The following KIF26B variants were observed in gnomAD, a reference collection of about 807,000 sequenced individuals.
The protein encoded by KIF26B is kinesin-like protein KIF26B.
KIF26B carries 63 observed loss-of-function variants against 151.2 expected under a neutral mutation model. That is an observed-to-expected ratio of 0.42 (90% CI 0.34 to 0.51). The LOEUF (loss-of-function observed/expected upper bound fraction) is 0.51. Ranked by LOEUF, KIF26B falls within the 20% of genes least tolerant of loss-of-function variation. The pLI is 0.07. For missense variants in KIF26B, 2,813 were observed against 2,913.6 expected (o/e 0.97, Z 0.79); for synonymous variants, 1,357 against 1,262.1 (o/e 1.08, Z -1.59).
intron 2 of KIF26B, among the ~76,000 whole-genome samples, chr1:245,309,248 T>G (rs1337205684): frequency 6.6e-6 from 1 of 152,164 alleles, no homozygotes; most frequent in East Asian, 1.9e-4. Context: ...TCAACTTGAC[T>G]GGGCCGCGGG....
At chr1:245,670,028 AC>A (rs1300240624) in intron 10 of KIF26B, among the ~76,000 whole-genome samples, 3 of 152,086 alleles carry the variant, frequency 2.0e-5, no homozygotes, top group Non-Finnish European at 4.4e-5. Context: ...TTTGGGTACA[AC>A]ATATACTACT....
chr1:245,624,058 C>G (rs991982994), intron 9 of KIF26B, among the ~76,000 whole-genome samples: 1 of 151,966 alleles, frequency 6.6e-6, no homozygotes, highest in Admixed American at 6.6e-5. Context: ...GTGTGTGGTA[C>G]TCTCCCCCCT....
chr1:245,671,185 C>G (rs895515402), intron 10 of KIF26B, among the ~76,000 whole-genome samples: 3 of 152,206 alleles, frequency 2.0e-5, no homozygotes, highest in Admixed American at 2.0e-4. Context: ...TCATTCTTTT[C>G]CATGGCTGAA....
intron 2 of KIF26B, among the ~76,000 whole-genome samples, chr1:245,345,870 C>T (rs1021731111): frequency 1.3e-5 from 2 of 151,864 alleles, no homozygotes; most frequent in Non-Finnish European, 2.9e-5. Flanking sequence ...TAGAACCGTG[C>T]GCCAGTGAAA....
chr1:245,400,888 A>G (rs759227487), intron 3 of KIF26B, among the ~76,000 whole-genome samples: 5 of 152,152 alleles, frequency 3.3e-5, no homozygotes, highest in Non-Finnish European at 5.9e-5. Context: ...CTCTAGAAGG[A>G]AAGAAAATAC....
intron 2 of KIF26B, among the ~76,000 whole-genome samples, chr1:245,216,677 T>C (rs532276503): frequency 2.0e-5 from 3 of 152,296 alleles, no homozygotes; most frequent in South Asian, 2.1e-4. Flanking sequence ...AGAGCTCGTT[T>C]AGTCAGATGG....
At chr1:245,518,102 C>G (rs920335620) in intron 4 of KIF26B, among the ~76,000 whole-genome samples, 1 of 152,032 alleles carries the variant, frequency 6.6e-6, no homozygotes, top group Non-Finnish European at 1.5e-5. Flanking sequence ...GAACTCCTGA[C>G]CTTGTGATCC....
chr1:245,342,706 A>G (rs76948394), intron 2 of KIF26B, among the ~76,000 whole-genome samples: 5 of 152,154 alleles, frequency 3.3e-5, no homozygotes, highest in Non-Finnish European at 5.9e-5. Context: ...ATGCAGGTCA[A>G]TGAGGCCTTG....
chr1:245,653,030 G>C (rs965143470), intron 10 of KIF26B, among the ~76,000 whole-genome samples: 4 of 152,184 alleles, frequency 2.6e-5, no homozygotes, highest in African/African-American at 9.7e-5. Flanking sequence ...TGATCAGATA[G>C]ATACAAGAGA....
chr1:245,496,030 T>A (rs1188163208), intron 4 of KIF26B, among the ~76,000 whole-genome samples: 1 of 152,014 alleles, frequency 6.6e-6, no homozygotes, highest in African/African-American at 2.4e-5. Flanking sequence ...ATTGAAAGAA[T>A]CCATCATCAG....
At chr1:245,155,743 C>T (rs547844981) in intron 1 of KIF26B, among the ~76,000 whole-genome samples, 3 of 152,358 alleles carry the variant, frequency 2.0e-5, no homozygotes, top group East Asian at 3.9e-4. Context: ...CATTCCTGCA[C>T]TTCTAGGCAG....
chr1:245,593,610 T>C (rs2043311725), intron 5 of KIF26B, among the ~76,000 whole-genome samples: 1 of 152,246 alleles, frequency 6.6e-6, no homozygotes, highest in African/African-American at 2.4e-5. Context: ...TTTGCTATTG[T>C]GAACAGTGCC....
At chr1:245,230,604 A>C (rs1431622208) in intron 2 of KIF26B, among the ~76,000 whole-genome samples, 1 of 151,786 alleles carries the variant, frequency 6.6e-6, no homozygotes, top group Non-Finnish European at 1.5e-5. Flanking sequence ...TCAGCCGGGC[A>C]TGGTGGCGTG....
chr1:245,210,627 A>G (rs1573710314), intron 2 of KIF26B, among the ~76,000 whole-genome samples: 1 of 152,220 alleles, frequency 6.6e-6, no homozygotes, highest in Non-Finnish European at 1.5e-5. Flanking sequence ...TAATGCAAAT[A>G]AAAGAATTGA....
At chr1:245,365,958 A>G (rs1672939530) in intron 2 of KIF26B, among the ~76,000 whole-genome samples, 1 of 152,192 alleles carries the variant, frequency 6.6e-6, no homozygotes, top group Non-Finnish European at 1.5e-5. Context: ...AATAAGAGAC[A>G]TTGTTCTCAC....
intron 10 of KIF26B, among the ~76,000 whole-genome samples, chr1:245,649,483 T>C (rs1457324726): frequency 6.6e-6 from 1 of 152,186 alleles, no homozygotes; most frequent in Non-Finnish European, 1.5e-5. Context: ...CCGTCAGTGC[T>C]CTGAAGCCAC....
At chr1:245,666,706 T>C (rs960676547) in intron 10 of KIF26B, among the ~76,000 whole-genome samples, 2 of 152,192 alleles carry the variant, frequency 1.3e-5, no homozygotes, top group East Asian at 1.9e-4. Flanking sequence ...ACACCTTTTT[T>C]ACATGCCAGA....
At position 245,698,764 on chromosome 1, in the gene KIF26B, C is replaced by A; in HGVS notation, c.6028-123C>A. ...CAAGGGAGAATTTGGTGGGGATGACCCATGTCCCTCCCACACGTCTCCAAG... is the reference window on the plus strand; with the variant it reads ...CAAGGGAGAATTTGGTGGGGATGACACATGTCCCTCCCACACGTCTCCAAG... On this transcript the variant is annotated intron_variant, in intron 13 of 14. Coordinates refer to ENST00000407071, the MANE Select transcript of KIF26B (RefSeq NM_018012.4). The surrounding 1 kb of genome is among the most constrained non-coding windows in gnomAD (Gnocchi z 4.0). The A allele has an allele frequency of 8.3e-7, 1 of 1,200,924 alleles. No individual in the cohort carries two copies. Among genetic ancestry groups the A allele is most frequent in the Non-Finnish European group, 1.2e-6 (1 of 861,238 alleles). The allele number at this position is 1,200,924 out of a possible 1,614,324, so 74.4% of individuals were successfully genotyped here.
At chr1:245,662,602 C>T (rs369132206) in intron 10 of KIF26B, among the ~76,000 whole-genome samples, 57,647 of 97,896 alleles carry the variant, frequency 0.59, 17,475 homozygotes, top group East Asian at 0.76. Flanking sequence ...GATATATACA[C>T]AGACACCCAA....
Sources: allele counts gnomAD v4.1 joint callset (sites outside exome capture counted in the v4.1 genomes callset), GRCh38; gene constraint gnomAD v4.1.1; non-coding constraint Gnocchi (gnomAD v3.1); transcripts MANE v1.5; gene names NCBI Gene and HGNC (gene_info 2026-07-23, HGNC 2026-07-21).